The following KNTC1 variants were observed in gnomAD, a reference collection of about 807,000 sequenced individuals.
KNTC1 encodes the protein kinetochore associated 1.
Under a neutral mutation model 314.4 loss-of-function variants are expected in KNTC1, and 253 were observed. The ratio of observed to expected loss-of-function variants is 0.80; its 90% CI spans 0.73 to 0.89. The LOEUF (loss-of-function observed/expected upper bound fraction) is 0.89, where lower values mean the gene tolerates loss of function less well. Ranked by LOEUF, KNTC1 falls within the 40% of genes least tolerant of loss-of-function variation. KNTC1 has a pLI of 0.00. For synonymous variants in KNTC1, 901 were observed against 901.4 expected (o/e 1.00, Z 0.01); for missense variants, 2,475 against 2,572.9 (o/e 0.96, Z 0.82).
chr12:122,578,213 G>A (rs950185320), intron 31 of KNTC1, among the ~76,000 whole-genome samples: 2 of 152,024 alleles, frequency 1.3e-5, no homozygotes, highest in Non-Finnish European at 2.9e-5. Context: ...TTGCAGATGA[G>A]GAATACTTGG....
chr12:122,535,142 T>G (rs1423293919), intron 3 of KNTC1, among the ~76,000 whole-genome samples: 2 of 152,228 alleles, frequency 1.3e-5, no homozygotes, highest in Non-Finnish European at 2.9e-5. Context: ...TTTTTAGAAT[T>G]AATAGCTCTC....
At chr12:122,606,884 T>G (rs1212194484) in intron 51 of KNTC1, among the ~76,000 whole-genome samples, 3 of 152,206 alleles carry the variant, frequency 2.0e-5, no homozygotes, top group Non-Finnish European at 4.4e-5. Context: ...CAGGATTTTC[T>G]CTAATCCAAC....
intron 30 of KNTC1, 109 bp from the exon 31 acceptor site, chr12:122,577,563 T>G: frequency 9.1e-7 from 1 of 1,096,142 alleles, no homozygotes; most frequent in East Asian, 2.7e-5. Context: ...CCATAATCTG[T>G]TTTTCCAAAT....
At chr12:122,613,798 C>A (rs776393801) in intron 55 of KNTC1, 37 bp downstream of exon 55, 3 of 1,536,312 alleles carry the variant, frequency 2.0e-6, no homozygotes, top group Non-Finnish European at 2.6e-6. Context: ...CAATTCCCTG[C>A]CCCTACTCAG....
intron 3 of KNTC1, 141 bp from the exon 4 acceptor site, chr12:122,538,198 T>C (rs1017039595): frequency 2.0e-5 from 12 of 591,216 alleles, no homozygotes; most frequent in Non-Finnish European, 2.7e-5. Flanking sequence ...CATTCTTTTT[T>C]ACTTTCATCA....
rs1355321899 is a variant in KNTC1, at chr12:122,585,648, A to C, written c.3547A>C (p.Thr1183Pro). ...ATTTGGCACCTAGGCTTCTTTTGGG[A>C]CACATAAAGATCCATATGAAGAGTG... ...CGILMKASFG[T>P]HKDPYEEWSY... is the part of the protein sequence containing the mutation. The change falls in exon 37 of 64, where the codon ACA (threonine) becomes CCA (proline). Residue 1183 changes from threonine (T) to proline (P), a missense_variant. By Grantham distance (38) the Thr-to-Pro change is conservative (BLOSUM62 -1). Transcript: ENST00000333479. The C allele has an allele frequency of 4.3e-6, 7 of 1,613,820 alleles. No homozygotes were observed. Among genetic ancestry groups the C allele is most frequent in the Non-Finnish European group, 5.9e-6 (7 of 1,179,814 alleles).
chr12:122,589,833 G>T (rs1869926599), intron 40 of KNTC1, among the ~76,000 whole-genome samples: 1 of 136,982 alleles, frequency 7.3e-6, no homozygotes, highest in Non-Finnish European at 1.5e-5. Context: ...ATCCAGGCTG[G>T]AGTGCAGTGG....
intron 2 of KNTC1, among the ~76,000 whole-genome samples, chr12:122,532,147 C>T (rs1961392378): frequency 6.6e-6 from 1 of 151,520 alleles, no homozygotes; most frequent in Non-Finnish European, 1.5e-5. Context: ...GATTCTCCTG[C>T]CTCAGCCTCT....
intron 44 of KNTC1, among the ~76,000 whole-genome samples, chr12:122,599,131 G>A (rs141186356): frequency 2.1e-3 from 319 of 151,466 alleles, no homozygotes; most frequent in African/African-American, 6.5e-3. Flanking sequence ...TGTCTGATTT[G>A]TTTTTTAGTT....
At chr12:122,556,484 CTTTTTTTTT>C (rs371272876) in intron 16 of KNTC1, among the ~76,000 whole-genome samples, 1 of 112,802 alleles carries the variant, frequency 8.9e-6, no homozygotes, top group Non-Finnish European at 1.7e-5. Context: ...CTACTCTCTA[CTTTTTTTTT>C]TTTTTTTTTT....
At chr12:122,533,620 C>A (rs1308822220) in intron 2 of KNTC1, among the ~76,000 whole-genome samples, 2 of 152,026 alleles carry the variant, frequency 1.3e-5, no homozygotes, top group Non-Finnish European at 2.9e-5. Flanking sequence ...TCCCTTGAGC[C>A]CAGGTGTTTA....
At chr12:122,625,816 C>A (rs1222048057) in intron 63 of KNTC1, among the ~76,000 whole-genome samples, 1 of 151,990 alleles carries the variant, frequency 6.6e-6, no homozygotes, top group Non-Finnish European at 1.5e-5. Flanking sequence ...ATTTTGGTAG[C>A]TTTATTTTTT....
intron 29 of KNTC1, 103 bp from the exon 30 acceptor site, chr12:122,576,792 C>A: frequency 1.3e-6 from 1 of 759,730 alleles, no homozygotes. Flanking sequence ...TAGTTTTTTG[C>A]TGCATTATTT....
At chr12:122,619,436 G>A (rs548389332) in intron 59 of KNTC1, among the ~76,000 whole-genome samples, 118 of 151,386 alleles carry the variant, frequency 7.8e-4, no homozygotes, top group African/African-American at 2.6e-3. Context: ...TTTTTGAGAC[G>A]GAGTCTTGCT....
chr12:122,550,273 G>A (rs1311515182), intron 13 of KNTC1, among the ~76,000 whole-genome samples: 2 of 151,758 alleles, frequency 1.3e-5, no homozygotes, highest in Non-Finnish European at 2.9e-5. Flanking sequence ...GAAATTACTT[G>A]TAGACATCAT....
intron 45 of KNTC1, chr12:122,602,038 T>C (rs1213090450): frequency 6.6e-6 from 1 of 152,458 alleles, no homozygotes; most frequent in Non-Finnish European, 1.5e-5. Flanking sequence ...TTCATTAACT[T>C]CTTCATCGTT....
intron 61 of KNTC1, 39 bp from the exon 62 acceptor site, chr12:122,622,423 A>G (rs1364652737): frequency 6.9e-7 from 1 of 1,451,388 alleles, no homozygotes; most frequent in Admixed American, 2.0e-5. Flanking sequence ...ATTCTAATAG[A>G]TTAGAAGTCT....
rs781762358 is a variant in KNTC1 at position 122,568,365 on chromosome 12, G to A, written c.1709G>A (p.Arg570Gln). The A allele has an allele frequency of 7.7e-6, 12 of 1,564,826 alleles. No individual in the cohort carries two copies. Among genetic ancestry groups the A allele is most frequent in the Admixed American group, 1.7e-5 (1 of 59,416 alleles). The change falls in exon 21 of 64, where the codon CGA becomes CAA. Residue 570 changes from arginine (R) to glutamine (Q), a missense_variant. Arg to Gln is a conservative substitution (Grantham distance 43). Coordinates refer to ENST00000333479, the MANE Select transcript of KNTC1 (RefSeq NM_014708.6). Reference protein sequence around the residue: ...NLVCAQYLWLRHRANFESRFD... With the variant: ...NLVCAQYLWLQHRANFESRFD... The stretch of plus-strand genomic sequence containing the variant: ...GTTTGTGCACAGTATCTTTGGCTTC[G>A]ACATCGGGTAACATGTTTTACATTT...
chr12:122,624,563 TG>T lies in KNTC1; in HGVS notation c.6516-33del, dbSNP rs1166582495. The T allele has an allele frequency of 3.3e-6, 5 of 1,510,974 alleles. No homozygotes were observed. The African/African-American group carries it at 6.9e-5, about 21-fold the overall frequency. The allele number at this position is 1,510,974 out of a possible 1,614,324, so 93.6% of individuals were successfully genotyped here. ...GATTGTAGGCACAAGGCACTGTGCT[TG>T]GCCTAACACTTCTTTTTCTTTTTGA... is the stretch of plus-strand genomic sequence containing the variant. On this transcript the variant is annotated intron_variant, in intron 62 of 63. Transcript: ENST00000333479.
Sources: gnomAD v4.1 joint callset for allele counts (sites outside exome capture counted in the v4.1 genomes callset) on GRCh38, gnomAD v4.1.1 for gene constraint, MANE v1.5 for transcripts, NCBI Gene and HGNC (gene_info 2026-07-23, HGNC 2026-07-21) for gene names.